Variants in CHD9 observed in about 807,000 individuals in gnomAD.
The protein encoded by CHD9 is chromodomain helicase DNA binding protein 9.
CHD9 carries 77 observed loss-of-function variants against 316.1 expected under a neutral mutation model. That is an observed-to-expected ratio of 0.24 (90% confidence interval 0.20 to 0.29). The LOEUF is 0.29. Ranked by LOEUF, CHD9 falls within the 10% of genes least tolerant of loss-of-function variation. CHD9 has a pLI of 1.00. For synonymous variants in CHD9, 1,129 were observed against 1,158.3 expected (o/e 0.97, Z 0.51); for missense variants, 2,763 against 3,438.1 (o/e 0.80, Z 4.91).
intron 2 of CHD9, among the ~76,000 whole-genome samples, chr16:53,182,602 ATGTT>A (rs2043622125): frequency 6.6e-6 from 1 of 152,158 alleles, no homozygotes; most frequent in African/African-American, 2.4e-5. Flanking sequence ...TTTCAATAGT[ATGTT>A]TGAGTTACAG....
intron 1 of CHD9, among the ~76,000 whole-genome samples, chr16:53,100,659 C>T (rs1189219771): frequency 1.3e-5 from 2 of 152,086 alleles, no homozygotes; most frequent in Non-Finnish European, 2.9e-5. Flanking sequence ...GGAGTCTCAC[C>T]ATGTTGTCCA....
At chr16:53,277,317 C>T (rs1052891411) in intron 24 of CHD9, among the ~76,000 whole-genome samples, 12 of 152,160 alleles carry the variant, frequency 7.9e-5, no homozygotes, top group Non-Finnish European at 1.5e-5. Context: ...AAGAAAACTA[C>T]AGACCAGTAT....
At chr16:53,164,285 T>C (rs181340589) in intron 2 of CHD9, among the ~76,000 whole-genome samples, 1 of 152,168 alleles carries the variant, frequency 6.6e-6, no homozygotes, top group East Asian at 1.9e-4. Context: ...ACAAAAAAGC[T>C]CAACTAGGCC....
chr16:53,180,658 CT>C (rs1161309609), intron 2 of CHD9, among the ~76,000 whole-genome samples: 1 of 152,016 alleles, frequency 6.6e-6, no homozygotes, highest in South Asian at 2.1e-4. Flanking sequence ...ACAGACATCT[CT>C]TTTTTTATTT....
chr16:53,179,057 A>T (rs2043293756), intron 2 of CHD9, among the ~76,000 whole-genome samples: 1 of 152,184 alleles, frequency 6.6e-6, no homozygotes, highest in Non-Finnish European at 1.5e-5. Flanking sequence ...TGTCTTATGA[A>T]TACATATATG....
intron 23 of CHD9, 58 bp from the exon 24 acceptor site, chr16:53,274,155 C>T (rs1032432817): frequency 6.0e-5 from 64 of 1,060,814 alleles, no homozygotes; most frequent in Admixed American, 2.4e-4. Context: ...ACCCCATGTC[C>T]GAATATTTTA....
intron 2 of CHD9, among the ~76,000 whole-genome samples, chr16:53,174,909 A>G (rs2043000929): frequency 6.6e-6 from 1 of 152,180 alleles, no homozygotes; most frequent in East Asian, 1.9e-4. Flanking sequence ...GAAATTTTGT[A>G]TTCCTCTAAA....
At chr16:53,071,478 C>T (rs548108928) in intron 1 of CHD9, among the ~76,000 whole-genome samples, 1 of 152,288 alleles carries the variant, frequency 6.6e-6, no homozygotes, top group East Asian at 1.9e-4. Context: ...TTTGCGAGTT[C>T]CTCTTCCTGG....
chr16:53,093,871 G>A (rs1363349358), intron 1 of CHD9, among the ~76,000 whole-genome samples: 1 of 152,110 alleles, frequency 6.6e-6, no homozygotes, highest in Admixed American at 6.6e-5. Context: ...AGCCTTGAGA[G>A]CTCTGACCCA....
rs565529283 is a variant in CHD9, at chr16:53,118,793, CT to C, written c.-164-37114del. 9.0e-3 allele frequency among the ~76,000 whole-genome samples: 1,146 copies of C among 127,148 alleles called. 9 individuals carry two copies. Among genetic ancestry groups the C allele is most frequent in the African/African-American group, 0.028 (995 of 35,374 alleles). The allele number at this position is 127,148 out of a possible 152,430, so 83.4% of individuals were successfully genotyped here. A position where few individuals can be genotyped will look rare whatever the true frequency, so the allele number is the denominator to read the frequency against. ...ACATCTCAATAAAAAAGATAACTTTCTTTTTTTTTTTTTTTTTTTGACAGAG... is the reference window on the plus strand; with the variant it reads ...ACATCTCAATAAAAAAGATAACTTTCTTTTTTTTTTTTTTTTTTGACAGAG... On this transcript the variant is annotated intron_variant, in intron 1 of 38. Coordinates refer to ENST00000447540, the MANE Select transcript of CHD9 (RefSeq NM_001308319.2).
chr16:53,207,287 C>T (rs2045963826), intron 2 of CHD9, among the ~76,000 whole-genome samples: 1 of 152,082 alleles, frequency 6.6e-6, no homozygotes, highest in African/African-American at 2.4e-5. Flanking sequence ...TGTTCAAATT[C>T]AAGTTGACTT....
At chr16:53,197,171 A>C (rs2044998042) in intron 2 of CHD9, among the ~76,000 whole-genome samples, 1 of 152,068 alleles carries the variant, frequency 6.6e-6, no homozygotes, top group South Asian at 2.1e-4. Flanking sequence ...TTTGGCTAAG[A>C]CTCCTTCATT....
intron 2 of CHD9, among the ~76,000 whole-genome samples, chr16:53,187,479 T>C (rs1477873171): frequency 2.0e-5 from 3 of 152,026 alleles, no homozygotes; most frequent in Non-Finnish European, 4.4e-5. Flanking sequence ...CACTGCAGCC[T>C]GGGCAGAGCA....
intron 1 of CHD9, among the ~76,000 whole-genome samples, chr16:53,136,884 T>C (rs2039754264): frequency 6.6e-6 from 1 of 152,192 alleles, no homozygotes; most frequent in Non-Finnish European, 1.5e-5. Context: ...CTAAAAACCA[T>C]AGATTAGGTC....
At chr16:53,093,287 G>T (rs1228833586) in intron 1 of CHD9, among the ~76,000 whole-genome samples, 2 of 152,074 alleles carry the variant, frequency 1.3e-5, no homozygotes, top group East Asian at 1.9e-4. Context: ...TCTCTGAATC[G>T]CATTAACTCA....
chr16:53,250,230 T>C (rs1023170486), intron 17 of CHD9, 164 bp downstream of exon 17: 2 of 604,208 alleles, frequency 3.3e-6, no homozygotes, highest in East Asian at 3.0e-5. Flanking sequence ...TTAATTGTTA[T>C]GATAAAAACT....
intron 3 of CHD9, among the ~76,000 whole-genome samples, chr16:53,212,141 C>T (rs2046379469): frequency 6.6e-6 from 1 of 152,130 alleles, no homozygotes; most frequent in African/African-American, 2.4e-5. Flanking sequence ...GTGGCTCATG[C>T]CTGTAATCCC....
chr16:53,271,621 T>C (rs1190866052), intron 22 of CHD9, among the ~76,000 whole-genome samples: 1 of 151,448 alleles, frequency 6.6e-6, no homozygotes, highest in East Asian at 1.9e-4. Context: ...AAAATGAACT[T>C]GAAGGAAACA....
chr16:53,082,605 T>G (rs771562268), intron 1 of CHD9, among the ~76,000 whole-genome samples: 56 of 152,234 alleles, frequency 3.7e-4, no homozygotes, highest in Non-Finnish European at 7.1e-4. Flanking sequence ...GTTCTCAGCC[T>G]CAGCTTATAG....
Sources: allele counts gnomAD v4.1 joint callset (sites outside exome capture counted in the v4.1 genomes callset), GRCh38; gene constraint gnomAD v4.1.1; transcripts MANE v1.5; gene names NCBI Gene and HGNC (gene_info 2026-07-23, HGNC 2026-07-21).